Variants in NRG3 observed in about 807,000 individuals in gnomAD.
The protein encoded by NRG3 is neuregulin 3, also known as pro-neuregulin-3, membrane-bound isoform.
Under a neutral mutation model 66.9 loss-of-function variants are expected in NRG3, and 31 were observed. The observed-to-expected ratio is 0.46, with a 90% CI of 0.35 to 0.63. The LOEUF is 0.63. NRG3 is among the 20% of genes least tolerant of loss of function. The probability of loss-of-function intolerance (pLI) is 0.00; values close to 1 mark genes in which losing one functional copy is unlikely to be tolerated. For missense variants in NRG3, 910 were observed against 878.9 expected (o/e 1.04, Z -0.45); for synonymous variants, 393 against 359.4 (o/e 1.09, Z -1.06).
chr10:82,144,036 A>C (rs2070035930), intron 1 of NRG3, among the ~76,000 whole-genome samples: 1 of 151,158 alleles, frequency 6.6e-6, no homozygotes, highest in African/African-American at 2.5e-5. Context: ...TCTTAAAAAA[A>C]AAAAAAAGAA....
chr10:82,127,373 G>GCCA (rs1420773942), intron 1 of NRG3, among the ~76,000 whole-genome samples: 1 of 152,012 alleles, frequency 6.6e-6, no homozygotes. Flanking sequence ...AAAAGTTTAT[G>GCCA]CGTTTTAGAA....
At chr10:82,664,789 G>A (rs946683311) in intron 2 of NRG3, among the ~76,000 whole-genome samples, 6 of 151,878 alleles carry the variant, frequency 4.0e-5, no homozygotes, top group East Asian at 3.9e-4. Context: ...CACTCCCACC[G>A]TCCAGCTTTC....
rs755485405 is a variant in NRG3 at position 81,875,504 on chromosome 10, G to C, written c.164G>C (p.Ser55Thr). The C allele has an allele frequency of 1.2e-6, 2 of 1,601,276 alleles. No homozygotes were observed. The highest frequency in any genetic ancestry group is 4.5e-5 in the East Asian group (2 of 44,510). Reference sequence around the variant, plus strand: ...GAGCCCCCCCGGGAGTTACGCTGTAGCGACTGCATCGTGTGGAACCGGCAG... The same window carrying C: ...GAGCCCCCCCGGGAGTTACGCTGTACCGACTGCATCGTGTGGAACCGGCAG... The part of the protein sequence containing the change: ...AAEPPRELRC[S>T]DCIVWNRQQT... The change falls in exon 1 of 9, where the codon AGC becomes ACC. Residue 55 changes from serine (S) to threonine (T), a missense_variant. Physicochemically the swap from Ser to Thr is moderately conservative, Grantham distance 58. Coordinates refer to ENST00000372141, the MANE Select transcript of NRG3 (RefSeq NM_001010848.4). This position sits in a 1 kb window ranked among gnomAD's most constrained non-coding sequence, Gnocchi z 5.3.
chr10:82,107,526 A>G (rs1462612187), intron 1 of NRG3, among the ~76,000 whole-genome samples: 2 of 152,328 alleles, frequency 1.3e-5, no homozygotes, highest in South Asian at 2.1e-4. Context: ...AAAATTTTAC[A>G]GGTGGAAAAA....
intron 2 of NRG3, among the ~76,000 whole-genome samples, chr10:82,631,593 T>G (rs897148610): frequency 1.3e-4 from 20 of 151,832 alleles, no homozygotes; most frequent in Admixed American, 2.0e-4. Flanking sequence ...CCGTGGTTTT[T>G]TTTTTTTTTT....
At chr10:82,395,737 T>C (rs1314868101) in intron 2 of NRG3, among the ~76,000 whole-genome samples, 2 of 152,122 alleles carry the variant, frequency 1.3e-5, no homozygotes, top group Non-Finnish European at 2.9e-5. Flanking sequence ...CATCCACTTA[T>C]GAATCCAGGC....
chr10:81,876,564 T>G (rs1433093435), intron 1 of NRG3, among the ~76,000 whole-genome samples: 3 of 152,150 alleles, frequency 2.0e-5, no homozygotes, highest in Non-Finnish European at 4.4e-5. Flanking sequence ...ACTGAGCCCC[T>G]TCTCCGCCCG....
chr10:82,624,997 A>G (rs2049318116), intron 2 of NRG3, among the ~76,000 whole-genome samples: 1 of 150,906 alleles, frequency 6.6e-6, no homozygotes, highest in Admixed American at 6.6e-5. Flanking sequence ...TGGCTAGACC[A>G]GTGAGCCTAA....
At chr10:82,089,751 A>T (rs2065923632) in intron 1 of NRG3, among the ~76,000 whole-genome samples, 1 of 152,190 alleles carries the variant, frequency 6.6e-6, no homozygotes, top group Non-Finnish European at 1.5e-5. Context: ...TTGTAAAAAG[A>T]TATTATGCAA....
At chr10:82,817,384 T>G (rs534800341) in intron 3 of NRG3, among the ~76,000 whole-genome samples, 1 of 152,280 alleles carries the variant, frequency 6.6e-6, no homozygotes, top group African/African-American at 2.4e-5. Context: ...TATGGTAGAT[T>G]TTTTCTATAT....
chr10:81,923,814 C>T (rs1185491707), intron 1 of NRG3, among the ~76,000 whole-genome samples: 1 of 152,162 alleles, frequency 6.6e-6, no homozygotes, highest in African/African-American at 2.4e-5. Context: ...TACTGTATGA[C>T]GTTTGCATGT....
chr10:82,717,589 CAG>C (rs374131239), intron 2 of NRG3, among the ~76,000 whole-genome samples: 1,524 of 151,996 alleles, frequency 0.01, 23 homozygotes, highest in African/African-American at 0.035. Context: ...TTAGTAGAGA[CAG>C]GGTTTCACCA....
In NRG3 at chr10:82,390,705, T is replaced by C. The variant is rs1003727402; in HGVS notation, c.953+31837T>C. The stretch of plus-strand genomic sequence containing the variant: ...TTTAGGGGACCAAAAATGGTAACTC[T>C]CTAGGAAATAAAAAGAGGAATTCAT... On this transcript the variant is annotated intron_variant, in intron 2 of 8. Transcript: ENST00000372141. Among the ~76,000 whole-genome samples, 4 of 152,140 alleles carry C rather than the reference T, an allele frequency of 2.6e-5. No homozygotes were observed. The South Asian group carries it at 6.2e-4, about 24-fold the overall frequency.
intron 1 of NRG3, among the ~76,000 whole-genome samples, chr10:82,203,701 C>T (rs981595001): frequency 1.3e-5 from 2 of 152,180 alleles, no homozygotes; most frequent in African/African-American, 4.8e-5. Flanking sequence ...TGTTTAGCTT[C>T]CATTCTTACT....
chr10:82,334,484 G>T (rs1378547408), intron 1 of NRG3, among the ~76,000 whole-genome samples: 1 of 152,156 alleles, frequency 6.6e-6, no homozygotes, highest in Admixed American at 6.5e-5. Flanking sequence ...AGCTCTAGAA[G>T]ACAATGTCTG....
chr10:81,912,030 A>G (rs1444286107), intron 1 of NRG3, among the ~76,000 whole-genome samples: 2 of 152,160 alleles, frequency 1.3e-5, no homozygotes, highest in Non-Finnish European at 1.5e-5. Context: ...CTCCAAAATT[A>G]TACTCACCAG....
At chr10:82,782,245 G>A (rs1405988040) in intron 3 of NRG3, among the ~76,000 whole-genome samples, 1 of 152,086 alleles carries the variant, frequency 6.6e-6, no homozygotes, top group Non-Finnish European at 1.5e-5. Context: ...CAGTTATCAA[G>A]GGATAGGTTA....
intron 1 of NRG3, among the ~76,000 whole-genome samples, chr10:82,131,047 T>C (rs922169606): frequency 1.3e-5 from 2 of 152,214 alleles, no homozygotes; most frequent in African/African-American, 4.8e-5. Flanking sequence ...TTTAATTTGA[T>C]GTGATCTTCT....
intron 1 of NRG3, among the ~76,000 whole-genome samples, chr10:82,100,751 G>A (rs1246710626): frequency 6.6e-6 from 1 of 151,958 alleles, no homozygotes; most frequent in African/African-American, 2.4e-5. Flanking sequence ...TTTATATATA[G>A]TGCTGTTTTT....
Sources: allele counts gnomAD v4.1 joint callset (sites outside exome capture counted in the v4.1 genomes callset), GRCh38; gene constraint gnomAD v4.1.1; non-coding constraint Gnocchi (gnomAD v3.1); transcripts MANE v1.5; gene names NCBI Gene and HGNC (gene_info 2026-07-23, HGNC 2026-07-21).